The following SLC9A5 variants were observed in gnomAD, a reference collection of about 807,000 sequenced individuals.
The protein encoded by SLC9A5 is solute carrier family 9 member A5.
In SLC9A5, 52 loss-of-function variants were observed where a neutral mutation model predicts 91.7. That is an observed-to-expected ratio of 0.57 (90% CI 0.45 to 0.71). SLC9A5 has a LOEUF of 0.71. Among genes scored for constraint, SLC9A5 ranks in the 30% least tolerant of loss-of-function variants. SLC9A5 has a pLI of 0.00. For missense variants in SLC9A5, 871 were observed against 1,158.9 expected (o/e 0.75, Z 3.61); for synonymous variants, 419 against 474.5 (o/e 0.88, Z 1.52).
intron 12 of SLC9A5, chr16:67,262,211 G>T: frequency 2.2e-6 from 1 of 456,806 alleles, no homozygotes; most frequent in African/African-American, 2.0e-5. Flanking sequence ...ATGTTGAACA[G>T]GATAGAGCTG....
chr16:67,265,453 C>T (rs1323144206), intron 14 of SLC9A5, among the ~76,000 whole-genome samples: 1 of 152,150 alleles, frequency 6.6e-6, no homozygotes, highest in Non-Finnish European at 1.5e-5. Context: ...GACAGAGTCT[C>T]ACTCTGACAA....
At chr16:67,253,169 A>G (rs1187004654) in intron 2 of SLC9A5, among the ~76,000 whole-genome samples, 2 of 152,092 alleles carry the variant, frequency 1.3e-5, no homozygotes, top group African/African-American at 4.8e-5. Flanking sequence ...CCCCTGAGGC[A>G]TAGCTGTGCA....
intron 14 of SLC9A5, among the ~76,000 whole-genome samples, chr16:67,265,679 T>C (rs1489647147): frequency 1.3e-5 from 2 of 152,178 alleles, no homozygotes; most frequent in African/African-American, 4.8e-5. Context: ...TGCCTCAGCT[T>C]CCCAAAGTGT....
At chr16:67,268,889 A>G (rs2035832833) in intron 15 of SLC9A5, among the ~76,000 whole-genome samples, 1 of 150,658 alleles carries the variant, frequency 6.6e-6, no homozygotes, top group Non-Finnish European at 1.5e-5. Context: ...GGATGCTGCT[A>G]AACATCCTAC....
chr16:67,255,154 C>T lies in SLC9A5; in HGVS notation c.624C>T (p.Gly208=), dbSNP rs780350480. The part of the protein sequence containing the change: ...VNETLFIIVF[G]ESLLNDAVTV... The stretch of plus-strand genomic sequence containing the variant: ...AGACTCTCTTTATCATCGTCTTTGG[C>T]GAGTCCCTGCTCAACGATGCTGTCA... Residue 208 remains glycine (G), a synonymous_variant, in exon 3 of 16, where the codon GGC becomes GGT. Transcript: ENST00000299798. The surrounding 1 kb of genome is among the most constrained non-coding windows in gnomAD (Gnocchi z 4.9). 1.1e-5 allele frequency: 17 copies of T among 1,613,768 alleles called. No individual in the cohort carries two copies. Among genetic ancestry groups the T allele is most frequent in the African/African-American group, 2.7e-5 (2 of 74,890 alleles).
At chr16:67,250,896 G>A (rs928728168) in intron 1 of SLC9A5, among the ~76,000 whole-genome samples, 5 of 152,156 alleles carry the variant, frequency 3.3e-5, no homozygotes, top group Non-Finnish European at 5.9e-5. Context: ...ACTTAAAGGA[G>A]AGCCAAAGAG....
chr16:67,265,969 CAAGT>C (rs2035684633), intron 14 of SLC9A5, 115 bp from the exon 15 acceptor site: 2 of 1,337,722 alleles, frequency 1.5e-6, no homozygotes, highest in East Asian at 5.3e-5. Context: ...GAGGAGAAAG[CAAGT>C]GTCTCTGCCA....
intron 12 of SLC9A5, 47 bp downstream of exon 12, chr16:67,259,993 G>C (rs1305988018): frequency 6.3e-7 from 1 of 1,596,684 alleles, no homozygotes; most frequent in Non-Finnish European, 8.5e-7. Context: ...GAGGTGGTCT[G>C]AGGAGAGCTT....
Position 67,267,306 on chromosome 16 carries a change from G to A in SLC9A5, c.2218+1081G>A, listed in dbSNP as rs577575443. 7.2e-5 allele frequency among the ~76,000 whole-genome samples: 11 copies of A among 151,914 alleles called. No individual in the cohort carries two copies. In the South Asian group the frequency reaches 8.3e-4, roughly 12 times the overall value. On this transcript the variant is annotated intron_variant, in intron 15 of 15. Coordinates refer to ENST00000299798, the MANE Select transcript of SLC9A5 (RefSeq NM_004594.3). ...TCTCCATGTTGGTCAGGCTGGTTTC[G>A]AACTCCTGACCTCAGGTGATCTGCC... is the stretch of plus-strand genomic sequence containing the variant.
At chr16:67,265,208 C>A in intron 14 of SLC9A5, 102 bp downstream of exon 14, 1 of 1,051,432 alleles carries the variant, frequency 9.5e-7, no homozygotes, top group Non-Finnish European at 1.5e-6. Flanking sequence ...GTGCATTCAG[C>A]ACCGTGACCT....
chr16:67,264,802 T>C (rs2035645725), intron 13 of SLC9A5, among the ~76,000 whole-genome samples: 1 of 151,300 alleles, frequency 6.6e-6, no homozygotes, highest in African/African-American at 2.5e-5. Flanking sequence ...GAAAAGGAGA[T>C]TCCTTTGAGG....
chr16:67,271,350 G>C lies in SLC9A5; in HGVS notation c.*140G>C. 1 of 737,936 alleles carries C rather than the reference G, an allele frequency of 1.4e-6. No individual in the cohort carries two copies. 45.7% of individuals were successfully genotyped at this position (737,936 alleles called of 1,614,324 possible). A position where few individuals can be genotyped will look rare whatever the true frequency, so the allele number is the denominator to read the frequency against. The stretch of plus-strand genomic sequence containing the variant: ...AATTGGGCTTCCTTGGAGCTAGTCA[G>C]AGGGGTCACCTAAGCTGGTCCTCAC... On this transcript the variant is annotated 3_prime_UTR_variant, in exon 16 of 16. Coordinates refer to ENST00000299798, the MANE Select transcript of SLC9A5 (RefSeq NM_004594.3).
At position 67,258,463 on chromosome 16, in the gene SLC9A5, C is replaced by T. The variant is rs780572775; in HGVS notation, c.1626+16C>T. On this transcript the variant is annotated intron_variant, in intron 10 of 15. Coordinates refer to ENST00000299798, the MANE Select transcript of SLC9A5 (RefSeq NM_004594.3). This position sits in a 1 kb window ranked among gnomAD's most constrained non-coding sequence, Gnocchi z 4.5. ...TGTGGACCAGGTGGGCCAGCAGCTT[C>T]CAGGTGGGCCAGTGGTGGGTGGGCA... 1.1e-5 allele frequency: 18 copies of T among 1,613,798 alleles called. No homozygotes were observed. In the Admixed American group the frequency reaches 2.8e-4, roughly 25 times the overall value.
intron 14 of SLC9A5, among the ~76,000 whole-genome samples, chr16:67,265,772 CAAGT>C (rs2035677077): frequency 6.6e-6 from 1 of 152,186 alleles, no homozygotes; most frequent in African/African-American, 2.4e-5. Flanking sequence ...TCCAGCAATC[CAAGT>C]GCTCATGTTT....
chr16:67,259,860 A>G lies in SLC9A5; in HGVS notation c.1756A>G (p.Ile586Val). ...GSGACLDLQV[I>V]DTVRSGRDRE... ...TGGAGCGTGTCTGGATCTGCAGGTGATTGACACAGTACGCAGCGGCCGGGA... is the reference window on the plus strand; with the variant it reads ...TGGAGCGTGTCTGGATCTGCAGGTGGTTGACACAGTACGCAGCGGCCGGGA... The change falls in exon 12 of 16, where the codon ATT becomes GTT. Residue 586 changes from isoleucine to valine, a missense_variant. Ile to Val is a conservative substitution (Grantham distance 29, BLOSUM62 3). Coordinates refer to ENST00000299798, the MANE Select transcript of SLC9A5 (RefSeq NM_004594.3). 6.2e-7 allele frequency: 1 copy of G among 1,614,066 alleles called. No individual in the cohort carries two copies. Among genetic ancestry groups the G allele is most frequent in the Middle Eastern group, 1.6e-4 (1 of 6,062 alleles).
Position 67,271,283 on chromosome 16 carries a change from C to G in SLC9A5, c.*73C>G, listed in dbSNP as rs780606422. 2.3e-6 allele frequency: 3 copies of G among 1,327,870 alleles called. No individual in the cohort carries two copies. Among genetic ancestry groups the G allele is most frequent in the African/African-American group, 1.5e-5 (1 of 68,774 alleles). 82.3% of individuals were successfully genotyped at this position (1,327,870 alleles called of 1,614,324 possible). ...CTCCCTGGGTGATGGGTAGAGCCCT[C>G]GAAACTTGACATGGGGCCAGAAGGG... On this transcript the variant is annotated 3_prime_UTR_variant, in exon 16 of 16. Transcript: ENST00000299798.
intron 15 of SLC9A5, among the ~76,000 whole-genome samples, chr16:67,267,052 A>G (rs1597364216): frequency 7.4e-6 from 1 of 136,018 alleles, no homozygotes; most frequent in Middle Eastern, 4.5e-3. Context: ...AGTTGGGACT[A>G]CCGGTGTGCA....
chr16:67,256,827 C>A lies in SLC9A5; in HGVS notation c.1133-84C>A. On this transcript the variant is annotated intron_variant, in intron 6 of 15. Coordinates refer to ENST00000299798, the MANE Select transcript of SLC9A5 (RefSeq NM_004594.3). The surrounding 1 kb of genome is among the most constrained non-coding windows in gnomAD (Gnocchi z 4.1). ...CTCACCTGTCCCAGCCCCTGTTAGA[C>A]CTCAGCCCAGATACTTGGTCCCATC... 1 of 1,456,542 alleles carries A rather than the reference C, an allele frequency of 6.9e-7. No individual in the cohort carries two copies. The highest frequency in any genetic ancestry group is 9.6e-7 in the Non-Finnish European group (1 of 1,046,902). 90.2% of individuals were successfully genotyped at this position (1,456,542 alleles called of 1,614,324 possible).
Position 67,257,746 on chromosome 16 carries a change from T to C in SLC9A5, c.1496+145T>C. ...CTGAAGCCCTTCAGTGGCATCCCAG[T>C]GCTCTCAGGTTAAGACAAGGCTCCC... On this transcript the variant is annotated intron_variant, in intron 9 of 15. Transcript: ENST00000299798. This position sits in a 1 kb window ranked among gnomAD's most constrained non-coding sequence, Gnocchi z 5.1. 1 of 811,568 alleles carries C rather than the reference T, an allele frequency of 1.2e-6. No individual in the cohort carries two copies. Among genetic ancestry groups the C allele is most frequent in the Admixed American group, 2.2e-5 (1 of 45,552 alleles). The allele number at this position is 811,568 out of a possible 1,614,324, so 50.3% of individuals were successfully genotyped here. A position where few individuals can be genotyped will look rare whatever the true frequency, so the allele number is the denominator to read the frequency against.
Sources: allele counts gnomAD v4.1 joint callset (sites outside exome capture counted in the v4.1 genomes callset), GRCh38; gene constraint gnomAD v4.1.1; non-coding constraint Gnocchi (gnomAD v3.1); transcripts MANE v1.5; gene names NCBI Gene and HGNC (gene_info 2026-07-23, HGNC 2026-07-21).